The following ADCY8 variants were observed in gnomAD, a reference collection of about 807,000 sequenced individuals.
ADCY8 encodes adenylate cyclase type 8.
Under a neutral mutation model 119.7 loss-of-function variants are expected in ADCY8, and 51 were observed. The observed-to-expected ratio is 0.43, with a 90% CI of 0.34 to 0.54. The LOEUF is 0.54. ADCY8 is among the 20% of genes least tolerant of loss of function. The pLI is 0.03. For synonymous variants in ADCY8, 665 were observed against 651.0 expected, an observed-to-expected ratio of 1.02 and a Z score of -0.33; for missense variants, 1,383 against 1,598.8, an observed-to-expected ratio of 0.87 and a Z score of 2.30.
chr8:131,020,917 C>A (rs1823645572), intron 1 of ADCY8, among the ~76,000 whole-genome samples: 2 of 152,142 alleles, frequency 1.3e-5, no homozygotes, highest in Non-Finnish European at 2.9e-5. Context: ...AATTATACAT[C>A]AGATGACATG....
At chr8:130,866,076 T>G (rs1202221994) in intron 9 of ADCY8, among the ~76,000 whole-genome samples, 1 of 152,174 alleles carries the variant, frequency 6.6e-6, no homozygotes, top group Non-Finnish European at 1.5e-5. Context: ...ACACAGATTT[T>G]GGGGCTATTG....
intron 4 of ADCY8, among the ~76,000 whole-genome samples, chr8:130,939,138 A>G (rs1054897598): frequency 1.3e-5 from 2 of 151,910 alleles, no homozygotes; most frequent in African/African-American, 4.8e-5. Flanking sequence ...ATCAACAAAC[A>G]CCAAAAACAG....
At chr8:130,885,276 C>T (rs1477909062) in intron 7 of ADCY8, among the ~76,000 whole-genome samples, 2 of 151,490 alleles carry the variant, frequency 1.3e-5, no homozygotes, top group Non-Finnish European at 2.9e-5. Context: ...ATGCCAGGAT[C>T]TGCTCCTTAA....
chr8:130,893,243 T>C (rs186181195), intron 7 of ADCY8, among the ~76,000 whole-genome samples: 1 of 152,294 alleles, frequency 6.6e-6, no homozygotes, highest in East Asian at 1.9e-4. Context: ...CGTAGTAATG[T>C]GTGGAACAGA....
At chr8:130,797,744 A>G (rs1202305764) in intron 15 of ADCY8, among the ~76,000 whole-genome samples, 1 of 152,140 alleles carries the variant, frequency 6.6e-6, no homozygotes, top group Non-Finnish European at 1.5e-5. Flanking sequence ...TGTAAGGGCA[A>G]CTCATAGTCA....
chr8:131,003,818 G>C (rs946386198), intron 1 of ADCY8, among the ~76,000 whole-genome samples: 2 of 152,090 alleles, frequency 1.3e-5, no homozygotes, highest in Admixed American at 6.5e-5. Context: ...AGGGTCCACA[G>C]ATTATGGGTG....
intron 15 of ADCY8, among the ~76,000 whole-genome samples, chr8:130,794,534 C>T (rs867043903): frequency 5.3e-5 from 8 of 152,340 alleles, no homozygotes; most frequent in African/African-American, 9.6e-5. Flanking sequence ...TGAGCCACGA[C>T]GGCCAGCCTC....
rs142352284 is a variant in ADCY8 at position 130,800,444 on chromosome 8, G to T, written c.3042C>A (p.Ile1014=). 2 of 1,614,138 alleles carry T rather than the reference G, an allele frequency of 1.2e-6. No homozygotes were observed. Among genetic ancestry groups the T allele is most frequent in the African/African-American group, 1.3e-5 (1 of 75,022 alleles). The change falls in exon 15 of 18, where the codon ATC becomes ATA. Residue 1014 remains isoleucine (I), a synonymous_variant. Transcript: ENST00000286355. ...GVECLRLLNE[I]IADFDELLGE... is the part of the protein sequence containing the mutation. ...GATTTACCTCATCGAAGTCAGCAAT[G>T]ATCTCATTGAGCAAGCGCAGGCATT...
chr8:130,860,887 G>A (rs185693103), intron 9 of ADCY8, among the ~76,000 whole-genome samples: 3 of 152,196 alleles, frequency 2.0e-5, no homozygotes, highest in East Asian at 1.9e-4. Context: ...GACAACATGC[G>A]GTGTTTGGTT....
At chr8:130,941,485 T>TA (rs11443349) in intron 4 of ADCY8, among the ~76,000 whole-genome samples, 8,350 of 152,186 alleles carry the variant, frequency 0.055, 738 homozygotes, top group African/African-American at 0.19. Flanking sequence ...GCATCTTTGA[T>TA]AAAAAATATC....
At chr8:130,908,832 G>A (rs1819875098) in intron 6 of ADCY8, among the ~76,000 whole-genome samples, 2 of 152,124 alleles carry the variant, frequency 1.3e-5, no homozygotes, top group Non-Finnish European at 2.9e-5. Context: ...GGGAATCCTA[G>A]TTACTCTGAT....
rs148018181 is a variant in ADCY8, at chr8:130,960,536, C to G, written c.1111-8538G>C. The stretch of plus-strand genomic sequence containing the variant: ...ATGTCTTACTTTAGGTTGCACAGAG[C>G]AAGAGGGTTTCTGCAGCCACCTAGG... On this transcript the variant is annotated intron_variant, in intron 2 of 17. Transcript: ENST00000286355. Among the ~76,000 whole-genome samples, 362 of 152,072 alleles carry G rather than the reference C, an allele frequency of 2.4e-3. 2 individuals carry two copies. The highest frequency in any genetic ancestry group is 8.4e-3 in the African/African-American group (350 of 41,450).
intron 15 of ADCY8, among the ~76,000 whole-genome samples, chr8:130,787,049 C>T (rs2196315): frequency 0.63 from 95,424 of 151,842 alleles, 31,216 homozygotes; most frequent in African/African-American, 0.79. Flanking sequence ...TAAGCCAGGC[C>T]ATAAGTTGAA....
At chr8:130,878,601 A>G (rs1462052177) in intron 8 of ADCY8, among the ~76,000 whole-genome samples, 3 of 152,232 alleles carry the variant, frequency 2.0e-5, no homozygotes, top group African/African-American at 4.8e-5. Flanking sequence ...AATCCAAAAA[A>G]GAGTATTTAC....
chr8:130,846,906 T>A (rs1371681823), intron 11 of ADCY8, among the ~76,000 whole-genome samples: 1 of 97,026 alleles, frequency 1.0e-5, no homozygotes, highest in Non-Finnish European at 2.1e-5. Context: ...CTTCCTTCCT[T>A]CCTTCCTTCC....
intron 3 of ADCY8, 25 bp downstream of exon 3, chr8:130,951,843 G>A (rs761901524): frequency 1.3e-5 from 21 of 1,612,696 alleles, no homozygotes; most frequent in Middle Eastern, 1.7e-4. Context: ...TGCAAGAGCC[G>A]GGGCAAGGGT....
At chr8:130,934,762 C>T (rs763753520) in intron 5 of ADCY8, among the ~76,000 whole-genome samples, 56 of 152,112 alleles carry the variant, frequency 3.7e-4, no homozygotes, top group Non-Finnish European at 5.7e-4. Flanking sequence ...GGAGTACTTC[C>T]GCATCTCTAC....
chr8:130,784,355 A>G (rs533799053), intron 16 of ADCY8, among the ~76,000 whole-genome samples: 6 of 152,332 alleles, frequency 3.9e-5, no homozygotes, highest in African/African-American at 1.2e-4. Context: ...GAAGTGCTGC[A>G]TAAGCCTCTG....
intron 2 of ADCY8, among the ~76,000 whole-genome samples, chr8:130,986,432 T>C (rs530787492): frequency 6.6e-6 from 1 of 152,322 alleles, no homozygotes; most frequent in Non-Finnish European, 1.5e-5. Flanking sequence ...TTGAATTATG[T>C]AGAGTAGCTG....
Sources: gnomAD v4.1 joint callset for allele counts (sites outside exome capture counted in the v4.1 genomes callset) on GRCh38, gnomAD v4.1.1 for gene constraint, MANE v1.5 for transcripts, NCBI Gene and HGNC (gene_info 2026-07-23, HGNC 2026-07-21) for gene names.